The following SOX5 variants were observed in gnomAD, a reference collection of about 807,000 sequenced individuals.
SOX5 encodes SRY-box transcription factor 5.
Under a neutral mutation model 92.0 loss-of-function variants are expected in SOX5, and 9 were observed. That is an observed-to-expected ratio of 0.10 (90% confidence interval 0.06 to 0.17). The LOEUF (loss-of-function observed/expected upper bound fraction) is 0.17, where lower values mean the gene tolerates loss of function less well. SOX5 is among the 10% of genes least tolerant of loss of function. The probability of loss-of-function intolerance (pLI) is 1.00; values close to 1 mark genes in which losing one functional copy is unlikely to be tolerated. For synonymous variants in SOX5, 344 were observed against 336.3 expected (o/e 1.02, Z -0.25); for missense variants, 642 against 944.5 (o/e 0.68, Z 4.20).
rs1947551102 is a variant in SOX5, at chr12:24,298,491, G to GT, written c.-173-21180dup. 2.6e-5 allele frequency among the ~76,000 whole-genome samples: 4 copies of GT among 152,160 alleles called. No individual in the cohort carries two copies. In the South Asian group the frequency reaches 8.3e-4, roughly 32 times the overall value. On this transcript the variant is annotated intron_variant, in intron 2 of 4. Coordinates refer to the SOX5 transcript ENST00000446891. The stretch of plus-strand genomic sequence containing the variant: ...TGTATTCCTAATATTTTTAAAAGTT[G>GT]TTTCACGATATTTTAATCAATGGAG...
At chr12:23,929,809 C>A (rs1940991529) in intron 1 of SOX5, among the ~76,000 whole-genome samples, 1 of 151,832 alleles carries the variant, frequency 6.6e-6, no homozygotes, top group Non-Finnish European at 1.5e-5. Context: ...ATTGAACCAA[C>A]AGAAAATGTT....
At chr12:24,409,244 C>T (rs920188183) in intron 1 of SOX5, among the ~76,000 whole-genome samples, 2 of 151,772 alleles carry the variant, frequency 1.3e-5, no homozygotes, top group Non-Finnish European at 2.9e-5. Context: ...CAAACACCAC[C>T]CACCACATGT....
At chr12:24,186,952 A>G (rs1956075683) in intron 4 of SOX5, among the ~76,000 whole-genome samples, 1 of 152,188 alleles carries the variant, frequency 6.6e-6, no homozygotes, top group Non-Finnish European at 1.5e-5. Context: ...AAAAAGTAAA[A>G]GTAGGTGAAA....
At chr12:24,224,560 T>G (rs1961423971) in intron 3 of SOX5, among the ~76,000 whole-genome samples, 1 of 151,680 alleles carries the variant, frequency 6.6e-6, no homozygotes, top group African/African-American at 2.4e-5. Context: ...TGTGTGTGGG[T>G]GTGTGTGTGT....
rs536059087 is a variant in SOX5 at position 23,782,290 on chromosome 12, C to T, written c.482-26566G>A. Among the ~76,000 whole-genome samples, 21 of 152,112 alleles carry T rather than the reference C, an allele frequency of 1.4e-4. No homozygotes were observed. In the South Asian group the frequency reaches 3.5e-3, roughly 26 times the overall value. ...GGTAAACATGTGGACAATGAGAATA[C>T]GTGTGATCTGTGTTTTCTCCAAGAA... is the stretch of plus-strand genomic sequence containing the variant. On this transcript the variant is annotated intron_variant, in intron 3 of 14. Coordinates refer to ENST00000451604, the MANE Select transcript of SOX5 (RefSeq NM_006940.6).
In SOX5 at chr12:24,183,962, C is replaced by T. The variant is rs1955767944; in HGVS notation, c.-2+29381G>A. On this transcript the variant is annotated intron_variant, in intron 4 of 4. Coordinates refer to the SOX5 transcript ENST00000446891. The stretch of plus-strand genomic sequence containing the variant: ...AGAAAGGTGTCTGACACAGAGTAAC[C>T]ACTCATTACATATTTTTGTTGTTAT... Among the ~76,000 whole-genome samples, 3 of 152,114 alleles carry T rather than the reference C, an allele frequency of 2.0e-5. No homozygotes were observed. In the South Asian group the frequency reaches 6.2e-4, roughly 31 times the overall value.
intron 4 of SOX5, among the ~76,000 whole-genome samples, chr12:24,000,750 A>G (rs927275649): frequency 6.6e-6 from 1 of 152,164 alleles, no homozygotes; most frequent in African/African-American, 2.4e-5. Flanking sequence ...ATCAAAAGGG[A>G]GAGACTGTAA....
rs1596240208 is a variant in SOX5, at chr12:24,393,104, A to G, written c.-250-24465T>C. 6.6e-6 allele frequency among the ~76,000 whole-genome samples: 1 copy of G among 152,148 alleles called. No homozygotes were observed. The highest frequency in any genetic ancestry group is 1.5e-5 in the Non-Finnish European group (1 of 68,038). On this transcript the variant is annotated intron_variant, in intron 1 of 4. Coordinates refer to the SOX5 transcript ENST00000446891. The surrounding 1 kb of genome is among the most constrained non-coding windows in gnomAD (Gnocchi z 5.0). ...TTCTATCTCAACCACCACTCTCCCA[A>G]TTATAATAAATGAATAAAGTAGATT...
upstream of SOX5, among the ~76,000 whole-genome samples, chr12:23,955,538 A>G (rs1223234060): frequency 2.0e-5 from 3 of 152,224 alleles, no homozygotes; most frequent in Non-Finnish European, 2.9e-5. Flanking sequence ...TCTGTCTTAT[A>G]GAAAGAATCG....
At chr12:23,943,437 C>T (rs977221518) in intron 1 of SOX5, among the ~76,000 whole-genome samples, 5 of 152,038 alleles carry the variant, frequency 3.3e-5, no homozygotes, top group African/African-American at 1.2e-4. Flanking sequence ...AAAAATTCAT[C>T]ACGACGGCAT....
chr12:24,556,796 C>A (rs1953829260), intron 1 of SOX5, among the ~76,000 whole-genome samples: 5 of 152,112 alleles, frequency 3.3e-5, no homozygotes. Context: ...TTAATAAAAC[C>A]ACATTGTCAG....
At chr12:23,950,848 C>T, upstream of SOX5, 1 of 1,534,588 alleles carries the variant, frequency 6.5e-7, no homozygotes, top group Non-Finnish European at 8.7e-7. Context: ...GGCACATACA[C>T]ACAGAGAGAG....
At chr12:23,795,062 C>A (rs2142032337) in intron 3 of SOX5, among the ~76,000 whole-genome samples, 1 of 152,132 alleles carries the variant, frequency 6.6e-6, no homozygotes, top group African/African-American at 2.4e-5. Context: ...GTTTTACTGG[C>A]AGATTTGACC....
intron 3 of SOX5, among the ~76,000 whole-genome samples, chr12:23,809,632 T>TA (rs1384378982): frequency 6.8e-6 from 1 of 146,182 alleles, no homozygotes; most frequent in African/African-American, 2.5e-5. Flanking sequence ...AAAAAAAAAC[T>TA]AATACTCAAA....
intron 4 of SOX5, among the ~76,000 whole-genome samples, chr12:24,088,863 A>C (rs1311447587): frequency 1.3e-5 from 2 of 152,222 alleles, no homozygotes; most frequent in South Asian, 2.1e-4. Flanking sequence ...GTATGATTTT[A>C]AAAGTGCCTT....
chr12:23,738,500 C>T (rs752153706), intron 5 of SOX5: 1 of 152,140 alleles, frequency 6.6e-6, no homozygotes, highest in African/African-American at 2.4e-5. Flanking sequence ...CAGGACATCT[C>T]TCCAATACAG....
At chr12:23,777,698 C>T (rs2095149578) in intron 3 of SOX5, among the ~76,000 whole-genome samples, 1 of 151,972 alleles carries the variant, frequency 6.6e-6, no homozygotes, top group South Asian at 2.1e-4. Flanking sequence ...TCCTTTACTG[C>T]AGAGTCACAC....
intron 3 of SOX5, among the ~76,000 whole-genome samples, chr12:23,807,855 C>T (rs1057150762): frequency 6.6e-6 from 1 of 151,872 alleles, no homozygotes; most frequent in East Asian, 1.9e-4. Context: ...ACTATGTTGG[C>T]CAGGCTGGTC....
At chr12:24,240,589 A>T (rs1452771350) in intron 3 of SOX5, among the ~76,000 whole-genome samples, 1 of 152,176 alleles carries the variant, frequency 6.6e-6, no homozygotes, top group East Asian at 1.9e-4. Flanking sequence ...GCAAGAATTG[A>T]GGTACCCTTT....
Sources: gnomAD v4.1 joint callset for allele counts (sites outside exome capture counted in the v4.1 genomes callset) on GRCh38, gnomAD v4.1.1 for gene constraint, Gnocchi (gnomAD v3.1) non-coding constraint, MANE v1.5 for transcripts, NCBI Gene and HGNC (gene_info 2026-07-23, HGNC 2026-07-21) for gene names.